ATP10B: variants seen among roughly 807,000 people sequenced by gnomAD.
ATP10B encodes the protein ATPase phospholipid transporting 10B (putative), also known as phospholipid-transporting ATPase VB.
In ATP10B, 122 loss-of-function variants were observed where a neutral mutation model predicts 141.2. The observed-to-expected ratio is 0.86, with a 90% confidence interval of 0.75 to 1.00. ATP10B has a LOEUF of 1.00. ATP10B is among the 50% of genes least tolerant of loss of function. The pLI is 0.00. For synonymous variants in ATP10B, 685 were observed against 692.0 expected (o/e 0.99, Z 0.16); for missense variants, 1,876 against 1,825.3 (o/e 1.03, Z -0.51).
intron 7 of ATP10B, among the ~76,000 whole-genome samples, chr5:160,653,118 TG>T (rs1312849664): frequency 2.3e-5 from 3 of 129,246 alleles, no homozygotes; most frequent in Non-Finnish European, 4.7e-5. Flanking sequence ...AACATATACA[TG>T]TATATATTAT....
rs1581161993 is a variant in ATP10B, at chr5:160,589,963, C to T, written c.3646-267G>A. Among the ~76,000 whole-genome samples the T allele has an allele frequency of 2.6e-5, 4 of 152,200 alleles. No individual in the cohort carries two copies. In the South Asian group the frequency reaches 8.3e-4, roughly 32 times the overall value. On this transcript the variant is annotated intron_variant, in intron 23 of 25. Transcript: ENST00000327245. ...AATGAAGACAGAATTCATTGAGAGC[C>T]CATCAGACACAATGCTAACAGCTGA... is the stretch of plus-strand genomic sequence containing the variant.
intron 1 of ATP10B, among the ~76,000 whole-genome samples, chr5:160,813,650 C>A (rs139835696): frequency 6.6e-6 from 1 of 152,146 alleles, no homozygotes; most frequent in Non-Finnish European, 1.5e-5. Flanking sequence ...TCTCCCAGCA[C>A]GCAGCTGGAG....
chr5:160,630,360 G>T (rs1581227467), intron 13 of ATP10B, among the ~76,000 whole-genome samples: 1 of 152,272 alleles, frequency 6.6e-6, no homozygotes, highest in East Asian at 1.9e-4. Context: ...AAGATTTACT[G>T]CCTGGACCAG....
the ATP10B span, among the ~76,000 whole-genome samples, chr5:160,911,691 T>C: frequency 2.6e-5 from 4 of 152,204 alleles, no homozygotes; most frequent in African/African-American, 7.2e-5. Flanking sequence ...AAAGGACTTA[T>C]GATAATAAAG....
At chr5:160,862,844 G>T in the ATP10B span, among the ~76,000 whole-genome samples, 1 of 151,844 alleles carries the variant, frequency 6.6e-6, no homozygotes, top group Non-Finnish European at 1.5e-5. Context: ...CCACATAAAA[G>T]TTCCTTGGAA....
At chr5:160,870,840 A>G in the ATP10B span, among the ~76,000 whole-genome samples, 2 of 151,162 alleles carry the variant, frequency 1.3e-5, no homozygotes, top group Non-Finnish European at 3.0e-5. Flanking sequence ...AGTCAGAGGG[A>G]AAAAACACCA....
intron 2 of ATP10B, among the ~76,000 whole-genome samples, chr5:160,770,446 T>A (rs914731960): frequency 6.6e-6 from 1 of 152,334 alleles, no homozygotes; most frequent in African/African-American, 2.4e-5. Context: ...ACATTTTTTT[T>A]CCTTTTCCTT....
chr5:160,871,672 A>C, the ATP10B span, among the ~76,000 whole-genome samples: 2 of 152,144 alleles, frequency 1.3e-5, no homozygotes, highest in African/African-American at 4.8e-5. Context: ...CTCCAATCTC[A>C]TTCAGGTCAC....
At chr5:160,681,967 A>G (rs1407530380) in intron 6 of ATP10B, among the ~76,000 whole-genome samples, 1 of 152,170 alleles carries the variant, frequency 6.6e-6, no homozygotes, top group East Asian at 1.9e-4. Flanking sequence ...TGGCCTCCCC[A>G]CTTTGCCATA....
chr5:160,691,392 T>G (rs1194168193), intron 3 of ATP10B, among the ~76,000 whole-genome samples: 2 of 152,152 alleles, frequency 1.3e-5, no homozygotes, highest in African/African-American at 4.8e-5. Flanking sequence ...CCTAGGAGTT[T>G]CCAGTTTCTG....
At chr5:160,577,410 T>TA (rs1458826180) in intron 24 of ATP10B, among the ~76,000 whole-genome samples, 2 of 151,992 alleles carry the variant, frequency 1.3e-5, no homozygotes, top group Admixed American at 6.6e-5. Flanking sequence ...TAATAATAAT[T>TA]AAAAAAACAG....
At chr5:160,606,508 G>C (rs553288925) in intron 19 of ATP10B, among the ~76,000 whole-genome samples, 1 of 152,290 alleles carries the variant, frequency 6.6e-6, no homozygotes, top group African/African-American at 2.4e-5. Flanking sequence ...CTGAATTCAA[G>C]GCCCCTGTTG....
rs373056776 is a variant in ATP10B at position 160,820,094 on chromosome 5, AT to A, written c.-576+31846del. Among the ~76,000 whole-genome samples the A allele has an allele frequency of 7.0e-3, 1,062 of 151,760 alleles. 18 individuals carry two copies. The highest frequency in any genetic ancestry group is 0.024 in the African/African-American group (997 of 41,450). ...CAAAAATCAACAAAACAAAAAGTTG[AT>A]TTTTTTTGTAAAAATAAACAACATT... On this transcript the variant is annotated intron_variant, in intron 1 of 25. Transcript: ENST00000327245.
rs1754455640 is a variant in ATP10B, at chr5:160,565,179, C to T, written c.*274G>A. 19 of 465,150 alleles carry T rather than the reference C, an allele frequency of 4.1e-5. No homozygotes were observed. Among genetic ancestry groups the T allele is most frequent in the South Asian group, 3.0e-4 (11 of 36,994 alleles). 28.8% of individuals were successfully genotyped at this position (465,150 alleles called of 1,614,324 possible). On this transcript the variant is annotated 3_prime_UTR_variant, in exon 26 of 26. Coordinates refer to ENST00000327245, the MANE Select transcript of ATP10B (RefSeq NM_025153.3). ...TCAGAAGAATGGCTTTGGTCTAAAC[C>T]GATTTGAGAACTCGATTCAACAAAA...
chr5:160,815,621 C>T (rs572336073), intron 1 of ATP10B, among the ~76,000 whole-genome samples: 113 of 152,242 alleles, frequency 7.4e-4, no homozygotes, highest in South Asian at 4.4e-3. Flanking sequence ...AGAAAGTTAA[C>T]AAGGATATGG....
intron 3 of ATP10B, among the ~76,000 whole-genome samples, chr5:160,700,232 C>T (rs905912996): frequency 4.6e-5 from 7 of 152,200 alleles, no homozygotes; most frequent in Middle Eastern, 6.8e-3. Flanking sequence ...TTCATCTAAG[C>T]GTTAAAGGAC....
intron 1 of ATP10B, among the ~76,000 whole-genome samples, chr5:160,799,247 C>T (rs536636493): frequency 6.6e-6 from 1 of 152,296 alleles, no homozygotes; most frequent in East Asian, 1.9e-4. Context: ...TGTCCTCCAC[C>T]ATGTAACTGC....
chr5:160,719,594 C>T (rs1765875401), intron 2 of ATP10B, among the ~76,000 whole-genome samples: 1 of 152,132 alleles, frequency 6.6e-6, no homozygotes, highest in South Asian at 2.1e-4. Flanking sequence ...TAACAATGGA[C>T]TGGAATGGCA....
At chr5:160,755,824 AAAAAAAAAAAAAAAAT>A (rs1307094814) in intron 2 of ATP10B, among the ~76,000 whole-genome samples, 3 of 66,162 alleles carry the variant, frequency 4.5e-5, no homozygotes, top group Admixed American at 4.7e-4. Context: ...CAAAAAAAAA[AAAAAAAAAAAAAAAAT>A]ATATATATAT....
Sources: allele counts gnomAD v4.1 joint callset (sites outside exome capture counted in the v4.1 genomes callset), GRCh38; gene constraint gnomAD v4.1.1; transcripts MANE v1.5; gene names NCBI Gene and HGNC (gene_info 2026-07-23, HGNC 2026-07-21).